Variants in ADGRB3 observed in about 807,000 individuals in gnomAD.
The protein encoded by ADGRB3 is adhesion G protein-coupled receptor B3.
A neutral mutation model predicts 193.4 loss-of-function variants in ADGRB3; 37 were observed. That is an observed-to-expected ratio of 0.19 (90% CI 0.15 to 0.25). ADGRB3 has a LOEUF of 0.25. Among genes scored for constraint, ADGRB3 ranks in the 10% least tolerant of loss-of-function variants. The pLI is 1.00. For synonymous variants in ADGRB3, 690 were observed against 644.2 expected, an observed-to-expected ratio of 1.07 and a Z score of -1.08; for missense variants, 1,637 against 1,852.9, an observed-to-expected ratio of 0.88 and a Z score of 2.14.
chr6:69,317,555 G>C (rs145706153), intron 20 of ADGRB3, among the ~76,000 whole-genome samples: 259 of 151,468 alleles, frequency 1.7e-3, no homozygotes, highest in African/African-American at 5.8e-3. Context: ...ATAAAACTGC[G>C]TAAGCCTTCT....
At chr6:69,232,591 G>A in intron 17 of ADGRB3, 4 of 1,535,698 alleles carry the variant, frequency 2.6e-6, no homozygotes, top group South Asian at 2.4e-5. Flanking sequence ...GACGTCAGAG[G>A]CGAGCTGGAC....
intron 27 of ADGRB3, among the ~76,000 whole-genome samples, chr6:69,354,748 G>A (rs1769301052): frequency 6.6e-6 from 1 of 152,130 alleles, no homozygotes; most frequent in African/African-American, 2.4e-5. Context: ...TCAAAATATT[G>A]GGAGTAGGAC....
chr6:68,755,344 A>G (rs1009577384), intron 3 of ADGRB3, among the ~76,000 whole-genome samples: 4 of 152,190 alleles, frequency 2.6e-5, no homozygotes, highest in Non-Finnish European at 5.9e-5. Flanking sequence ...GGGGAGGTCC[A>G]GTGTCCGGAC....
At chr6:68,927,795 G>A (rs1448888869) in intron 3 of ADGRB3, among the ~76,000 whole-genome samples, 7 of 151,918 alleles carry the variant, frequency 4.6e-5, no homozygotes, top group Non-Finnish European at 1.0e-4. Flanking sequence ...TCTCTCTTAT[G>A]AGGAATTTAG....
chr6:69,278,119 A>G (rs1767341702), intron 20 of ADGRB3, among the ~76,000 whole-genome samples: 1 of 152,172 alleles, frequency 6.6e-6, no homozygotes, highest in Non-Finnish European at 1.5e-5. Context: ...TTCAAATAAT[A>G]GGGCTTTGAG....
At chr6:69,354,152 C>T (rs1362615851) in intron 26 of ADGRB3, 81 bp from the exon 27 acceptor site, 2 of 969,174 alleles carry the variant, frequency 2.1e-6, no homozygotes, top group Non-Finnish European at 3.3e-6. Context: ...ATAACCACTG[C>T]CTCAGAGCTG....
At chr6:69,354,012 A>G (rs1173609279) in intron 26 of ADGRB3, among the ~76,000 whole-genome samples, 1 of 152,314 alleles carries the variant, frequency 6.6e-6, no homozygotes, top group South Asian at 2.1e-4. Flanking sequence ...GCAGTGAGGC[A>G]GGATCGCACC....
intron 17 of ADGRB3, among the ~76,000 whole-genome samples, chr6:69,088,658 G>A (rs897631957): frequency 1.3e-5 from 2 of 152,248 alleles, no homozygotes; most frequent in Non-Finnish European, 2.9e-5. Flanking sequence ...ACAGGCATGA[G>A]CCACTGTGCC....
intron 3 of ADGRB3, among the ~76,000 whole-genome samples, chr6:68,866,925 C>G (rs758311461): frequency 3.9e-5 from 6 of 152,138 alleles, no homozygotes; most frequent in Non-Finnish European, 8.8e-5. Flanking sequence ...TAGTCTTATG[C>G]ATTCACAAAG....
chr6:68,783,020 A>C (rs1483730665), intron 3 of ADGRB3, among the ~76,000 whole-genome samples: 1 of 151,960 alleles, frequency 6.6e-6, no homozygotes. Flanking sequence ...AACCACTGCC[A>C]TTATTGCCGC....
At chr6:69,219,492 T>TATATATATATAC (rs1364575476) in intron 17 of ADGRB3, among the ~76,000 whole-genome samples, 2 of 141,570 alleles carry the variant, frequency 1.4e-5, no homozygotes, top group African/African-American at 5.1e-5. Flanking sequence ...TATATATATA[T>TATATATATATAC]ACGTGTGTGT....
At chr6:69,330,388 G>T in intron 22 of ADGRB3, 118 bp from the exon 23 acceptor site, 1 of 582,122 alleles carries the variant, frequency 1.7e-6, no homozygotes, top group East Asian at 3.1e-5. Flanking sequence ...TATTACAAAT[G>T]TTTAACATGT....
At chr6:68,806,998 AG>A (rs1407867236) in intron 3 of ADGRB3, among the ~76,000 whole-genome samples, 1 of 152,116 alleles carries the variant, frequency 6.6e-6, no homozygotes, top group Non-Finnish European at 1.5e-5. Context: ...CTTCAAGAAA[AG>A]GTTATGCAAA....
intron 3 of ADGRB3, among the ~76,000 whole-genome samples, chr6:68,749,964 A>T (rs1766164045): frequency 6.6e-6 from 1 of 152,182 alleles, no homozygotes; most frequent in African/African-American, 2.4e-5. Flanking sequence ...GATAATAGGT[A>T]ACCCACGTGT....
At chr6:69,081,836 A>T (rs2150314617) in intron 17 of ADGRB3, among the ~76,000 whole-genome samples, 1 of 152,216 alleles carries the variant, frequency 6.6e-6, no homozygotes, top group South Asian at 2.1e-4. Flanking sequence ...TTCTAATATT[A>T]TTAGCAACCC....
At chr6:69,042,072 C>A (rs1431664760) in intron 13 of ADGRB3, among the ~76,000 whole-genome samples, 1 of 152,132 alleles carries the variant, frequency 6.6e-6, no homozygotes, top group Non-Finnish European at 1.5e-5. Flanking sequence ...CTCATGAGAT[C>A]TGATGATTTT....
chr6:69,160,936 T>G (rs1226490792), intron 17 of ADGRB3, among the ~76,000 whole-genome samples: 3 of 152,130 alleles, frequency 2.0e-5, no homozygotes, highest in African/African-American at 7.2e-5. Context: ...CTGGGAGGCA[T>G]GTGGCCCATT....
intron 16 of ADGRB3, among the ~76,000 whole-genome samples, chr6:69,072,948 CT>C (rs934780487): frequency 6.6e-6 from 1 of 152,166 alleles, no homozygotes; most frequent in Non-Finnish European, 1.5e-5. Flanking sequence ...CACCATTCCC[CT>C]TTCCTTCCAT....
At chr6:69,242,968 T>C (rs1441329246) in intron 20 of ADGRB3, among the ~76,000 whole-genome samples, 1 of 151,988 alleles carries the variant, frequency 6.6e-6, no homozygotes, top group Non-Finnish European at 1.5e-5. Context: ...AAAGCAAAGA[T>C]TATTTTGAAA....
Sources: allele counts gnomAD v4.1 joint callset (sites outside exome capture counted in the v4.1 genomes callset), GRCh38; gene constraint gnomAD v4.1.1; transcripts MANE v1.5; gene names NCBI Gene and HGNC (gene_info 2026-07-23, HGNC 2026-07-21).